Variants in AFF2 observed in about 807,000 individuals in gnomAD.
The protein encoded by AFF2 is ALF transcription elongation factor 2.
Under a neutral mutation model 76.9 loss-of-function variants are expected in AFF2, and 14 were observed. The ratio of observed to expected loss-of-function variants is 0.18; its 90% confidence interval spans 0.12 to 0.28. The LOEUF (loss-of-function observed/expected upper bound fraction) is 0.28, where lower values mean the gene tolerates loss of function less well. AFF2 is among the 10% of genes least tolerant of loss of function. The probability of loss-of-function intolerance (pLI) is 1.00; values close to 1 mark genes in which losing one functional copy is unlikely to be tolerated. For synonymous variants in AFF2, 398 were observed against 366.7 expected (o/e 1.09, Z -0.98); for missense variants, 868 against 1,001.1 (o/e 0.87, Z 1.79).
intron 3 of AFF2, among the ~76,000 whole-genome samples, chrX:148,694,182 G>T (rs982812995): frequency 9.8e-6 from 1 of 102,460 alleles, no homozygotes; most frequent in South Asian, 4.9e-4. Flanking sequence ...GGTCGGGGGG[G>T]GGGAGGGATA....
At chrX:148,873,333 A>G (rs971810587) in intron 7 of AFF2, among the ~76,000 whole-genome samples, 1 of 110,576 alleles carries the variant, frequency 9.0e-6, no homozygotes, top group Non-Finnish European at 1.9e-5. Context: ...TGGGCCTTGC[A>G]TAGACTCAGC....
intron 3 of AFF2, among the ~76,000 whole-genome samples, chrX:148,800,398 G>A (rs781827852): frequency 4.5e-5 from 5 of 112,187 alleles, no homozygotes; most frequent in African/African-American, 1.6e-4. Flanking sequence ...GATTTATAAA[G>A]TCTATTCCAT....
chrX:148,856,988 A>T (rs1557275953), intron 7 of AFF2, among the ~76,000 whole-genome samples: 1 of 112,330 alleles, frequency 8.9e-6, no homozygotes, highest in African/African-American at 3.2e-5. Flanking sequence ...CTAAAAAGAC[A>T]CTTCAGACTC....
intron 4 of AFF2, among the ~76,000 whole-genome samples, chrX:148,831,436 A>C (rs2070452720): frequency 1.8e-5 from 2 of 112,256 alleles, no homozygotes; most frequent in Middle Eastern, 4.6e-3. Context: ...GGAACTAATA[A>C]ATGTCCATGA....
At chrX:148,797,107 A>C (rs1557270564) in intron 3 of AFF2, among the ~76,000 whole-genome samples, 1 of 112,657 alleles carries the variant, frequency 8.9e-6, no homozygotes, top group African/African-American at 3.2e-5. Flanking sequence ...TAGATCATGC[A>C]GGCTCTGTAC....
At chrX:148,955,274 T>C (rs1320488874) in intron 10 of AFF2, among the ~76,000 whole-genome samples, 1 of 112,770 alleles carries the variant, frequency 8.9e-6, no homozygotes, top group African/African-American at 3.2e-5. Context: ...GAAACAGGTT[T>C]CCCTCATTGG....
intron 1 of AFF2, among the ~76,000 whole-genome samples, chrX:148,647,952 G>A (rs983180981): frequency 9.0e-5 from 10 of 111,530 alleles, no homozygotes; most frequent in Admixed American, 7.7e-4. Context: ...TAGATCTCAC[G>A]GAATCTACAT....
At chrX:148,894,888 G>GATATATATAT (rs201173844) in intron 8 of AFF2, among the ~76,000 whole-genome samples, 1 of 108,595 alleles carries the variant, frequency 9.2e-6, no homozygotes, top group African/African-American at 3.5e-5. Flanking sequence ...TAAAATGTGA[G>GATATATATAT]ATAGATAGAT....
At chrX:148,504,110 T>G (rs782616098) in intron 1 of AFF2, among the ~76,000 whole-genome samples, 1 of 111,519 alleles carries the variant, frequency 9.0e-6, no homozygotes, top group African/African-American at 3.3e-5. Flanking sequence ...ATACTTGAGG[T>G]GACTGAAGAT....
At chrX:148,716,491 G>A (rs1731279635) in intron 3 of AFF2, among the ~76,000 whole-genome samples, 1 of 111,328 alleles carries the variant, frequency 9.0e-6, no homozygotes, top group South Asian at 3.8e-4. Flanking sequence ...ACCTTGGTTG[G>A]GGGAGTGTTT....
chrX:148,960,466 C>G (rs1234019912), intron 12 of AFF2, among the ~76,000 whole-genome samples: 2 of 112,118 alleles, frequency 1.8e-5, no homozygotes, highest in Admixed American at 1.9e-4. Flanking sequence ...AGCAGTGTTT[C>G]CCTTGTAGCC....
At chrX:148,840,428 A>G (rs1557274186) in intron 5 of AFF2, among the ~76,000 whole-genome samples, 1 of 112,012 alleles carries the variant, frequency 8.9e-6, no homozygotes, top group African/African-American at 3.2e-5. Flanking sequence ...TATGACAAAG[A>G]TGGTATGTCT....
At chrX:148,954,850 A>G (rs2072012893) in intron 10 of AFF2, among the ~76,000 whole-genome samples, 1 of 111,930 alleles carries the variant, frequency 8.9e-6, no homozygotes, top group African/African-American at 3.3e-5. Flanking sequence ...ATTGGCTGGT[A>G]CCATAAGCCT....
At chrX:148,857,219 A>G (rs12843689) in intron 7 of AFF2, among the ~76,000 whole-genome samples, 2 of 111,885 alleles carry the variant, frequency 1.8e-5, no homozygotes, top group Non-Finnish European at 3.8e-5. Context: ...AAAATAATTC[A>G]CCAAGGTACT....
intron 7 of AFF2, among the ~76,000 whole-genome samples, chrX:148,859,547 G>A (rs56051251): frequency 9.1e-6 from 1 of 109,968 alleles, no homozygotes; most frequent in Non-Finnish European, 1.9e-5. Context: ...CATTTGTATT[G>A]AAAAAGATGC....
intron 2 of AFF2, among the ~76,000 whole-genome samples, chrX:148,656,897 G>A (rs868990925): frequency 3.9e-4 from 43 of 111,662 alleles, no homozygotes; most frequent in Non-Finnish European, 3.4e-4. Flanking sequence ...GTATGATTCC[G>A]TATCTGTAAC....
intron 5 of AFF2, among the ~76,000 whole-genome samples, chrX:148,842,317 A>C (rs901621996): frequency 8.9e-6 from 1 of 112,818 alleles, no homozygotes; most frequent in East Asian, 2.8e-4. Context: ...ACAGTGAATG[A>C]ATTGTGTATA....
chrX:148,892,738 C>T lies in AFF2; in HGVS notation c.1359+6753C>T, dbSNP rs190928621. Among the ~76,000 whole-genome samples the T allele has an allele frequency of 3.8e-3, 428 of 112,208 alleles. 17 individuals carry two copies. In the Admixed American group the frequency reaches 0.04, roughly 10 times the overall value. On this transcript the variant is annotated intron_variant, in intron 8 of 20. Transcript: ENST00000370460. ...TGAAGTTGGTGTGCTGTATAGAATA[C>T]ATTAGTTGTGACAACAGATACTCTT...
rs1176278414 is a variant in AFF2 at position 148,997,571 on chromosome X, C to G, written c.*6239C>G. Reference sequence around the variant, plus strand: ...CATGTCTTACTCGCTCTTTCTGGCCCTTCTGTCTTTTGCCTCTGCAATTCT... The same window carrying G: ...CATGTCTTACTCGCTCTTTCTGGCCGTTCTGTCTTTTGCCTCTGCAATTCT... On this transcript the variant is annotated 3_prime_UTR_variant, in exon 21 of 21. Coordinates refer to ENST00000370460, the MANE Select transcript of AFF2 (RefSeq NM_002025.4). 7 of 112,319 alleles carry G rather than the reference C, an allele frequency of 6.2e-5. No individual in the cohort carries two copies. The highest frequency in any genetic ancestry group is 2.3e-4 in the African/African-American group (7 of 30,883). The allele number at this position is 112,319 out of a possible 1,213,427, so 9.3% of individuals were successfully genotyped here.
Sources: gnomAD v4.1 joint callset for allele counts (sites outside exome capture counted in the v4.1 genomes callset) on GRCh38, gnomAD v4.1.1 for gene constraint, MANE v1.5 for transcripts, NCBI Gene and HGNC (gene_info 2026-07-23, HGNC 2026-07-21) for gene names.